Variants in CNTN4 observed in about 807,000 individuals in gnomAD.
The protein encoded by CNTN4 is contactin 4, also known as contactin-4.
CNTN4 carries 77 observed loss-of-function variants against 122.5 expected under a neutral mutation model. That is an observed-to-expected ratio of 0.63 (90% CI 0.52 to 0.76). The LOEUF (loss-of-function observed/expected upper bound fraction) is 0.76. Among genes scored for constraint, CNTN4 ranks in the 30% least tolerant of loss-of-function variants. The pLI is 0.00. For synonymous variants in CNTN4, 512 were observed against 447.0 expected, an observed-to-expected ratio of 1.15 and a Z score of -1.83; for missense variants, 1,256 against 1,259.1, an observed-to-expected ratio of 1.00 and a Z score of 0.04.
rs182951388 is a variant in CNTN4 at position 2,616,725 on chromosome 3, C to T, written c.55+45167C>T. 1.2e-3 allele frequency among the ~76,000 whole-genome samples: 181 copies of T among 152,166 alleles called. 1 individual carries two copies. The highest frequency in any genetic ancestry group is 2.1e-3 in the Non-Finnish European group (146 of 67,988). ...AGAACAAAGCTGGAGGCATCGTGCT[C>T]CCTGACTTCGAACTATACTACAAAG... On this transcript the variant is annotated intron_variant, in intron 4 of 24. Transcript: ENST00000418658.
intron 3 of CNTN4, among the ~76,000 whole-genome samples, chr3:2,396,657 T>G (rs13069405): frequency 0.33 from 34,723 of 105,902 alleles, 4,862 homozygotes; most frequent in Admixed American, 0.47. Flanking sequence ...TATGTCTGGG[T>G]TTTTTTTTTT....
intron 2 of CNTN4, among the ~76,000 whole-genome samples, chr3:2,293,591 C>G (rs1038508327): frequency 1.3e-5 from 2 of 152,096 alleles, no homozygotes; most frequent in Admixed American, 6.5e-5. Flanking sequence ...CTAAATGAGT[C>G]AATAGGTTTC....
rs149943757 is a variant in CNTN4 at position 2,790,736 on chromosome 3, G to A, written c.359-28750G>A. Among the ~76,000 whole-genome samples the A allele has an allele frequency of 6.5e-3, 986 of 152,292 alleles. 10 individuals carry two copies. The highest frequency in any genetic ancestry group is 0.02 in the Middle Eastern group (6 of 294). On this transcript the variant is annotated intron_variant, in intron 6 of 24. Transcript: ENST00000418658. Reference sequence around the variant, plus strand: ...ATCCACCTTCTGTAAAAGCAGTTCAGAGGATGACCAATGAGCTATCTTTTT... The same window carrying A: ...ATCCACCTTCTGTAAAAGCAGTTCAAAGGATGACCAATGAGCTATCTTTTT...
chr3:3,000,724 T>TC (rs1207028509), intron 14 of CNTN4, among the ~76,000 whole-genome samples: 1 of 152,138 alleles, frequency 6.6e-6, no homozygotes, highest in Non-Finnish European at 1.5e-5. Flanking sequence ...GACTCATATA[T>TC]CCCACCCAAC....
intron 4 of CNTN4, among the ~76,000 whole-genome samples, chr3:2,723,001 T>A (rs1000586823): frequency 2.6e-5 from 4 of 152,148 alleles, no homozygotes; most frequent in African/African-American, 9.7e-5. Flanking sequence ...GGAAATGGAC[T>A]TTCACTTGTT....
At chr3:2,253,311 A>G (rs962244816) in intron 2 of CNTN4, among the ~76,000 whole-genome samples, 2 of 152,166 alleles carry the variant, frequency 1.3e-5, no homozygotes, top group African/African-American at 2.4e-5. Context: ...ACTTTATGTC[A>G]CATAAAAGTA....
At chr3:2,555,890 G>A (rs2078701376) in intron 3 of CNTN4, among the ~76,000 whole-genome samples, 1 of 152,150 alleles carries the variant, frequency 6.6e-6, no homozygotes, top group Admixed American at 6.6e-5. Context: ...GCTCAGAAGT[G>A]AGAATTTCTG....
intron 3 of CNTN4, among the ~76,000 whole-genome samples, chr3:2,341,120 C>G (rs2044195782): frequency 6.6e-6 from 1 of 152,158 alleles, no homozygotes; most frequent in Non-Finnish European, 1.5e-5. Context: ...TTACTCTGTT[C>G]CTTCTCCTTG....
At chr3:2,350,995 A>G (rs2044590028) in intron 3 of CNTN4, among the ~76,000 whole-genome samples, 1 of 152,188 alleles carries the variant, frequency 6.6e-6, no homozygotes, top group African/African-American at 2.4e-5. Flanking sequence ...GGCCCAAAAT[A>G]TATACCTTAA....
chr3:3,038,958 CAGT>C lies in CNTN4; in HGVS notation c.2119_2121del (p.Ser707del). On this transcript the variant is annotated inframe_deletion, in exon 19 of 25. Coordinates refer to ENST00000418658, the MANE Select transcript of CNTN4 (RefSeq NM_175607.3). ...TCCCCGAAGTCACACCAGCGAATGTCAGTGGTGGCGGAGGCAGCAAATCTGAAC... is the reference window on the plus strand; with the variant it reads ...TCCCCGAAGTCACACCAGCGAATGTCGGTGGCGGAGGCAGCAAATCTGAAC... The C allele has an allele frequency of 6.2e-7, 1 of 1,614,108 alleles. No homozygotes were observed. The highest frequency in any genetic ancestry group is 8.5e-7 in the Non-Finnish European group (1 of 1,179,988).
chr3:2,148,467 A>C (rs1408617161), intron 2 of CNTN4, among the ~76,000 whole-genome samples: 1 of 151,878 alleles, frequency 6.6e-6, no homozygotes, highest in Admixed American at 6.6e-5. Context: ...CAGAAGACAC[A>C]GGTTGCAGTG....
At chr3:2,948,425 A>T (rs1301023582) in intron 13 of CNTN4, among the ~76,000 whole-genome samples, 1 of 152,154 alleles carries the variant, frequency 6.6e-6, no homozygotes, top group East Asian at 1.9e-4. Context: ...GGGTGTTGTG[A>T]CTGAGAGGCA....
chr3:2,361,227 C>T (rs1279680107), intron 3 of CNTN4, among the ~76,000 whole-genome samples: 1 of 151,918 alleles, frequency 6.6e-6, no homozygotes, highest in Non-Finnish European at 1.5e-5. Context: ...GTATTAACCT[C>T]ACCCACCTTG....
intron 3 of CNTN4, among the ~76,000 whole-genome samples, chr3:2,345,791 C>T (rs186983440): frequency 1.3e-5 from 2 of 152,240 alleles, no homozygotes; most frequent in East Asian, 3.9e-4. Context: ...TATTGTGTGA[C>T]CCTCTGATAG....
In CNTN4 at chr3:2,564,899, G is replaced by C. The variant is rs374432222; in HGVS notation, c.-88-6517G>C. Among the ~76,000 whole-genome samples, 96 of 152,242 alleles carry C rather than the reference G, an allele frequency of 6.3e-4. 1 individual carries two copies. In the East Asian group the frequency reaches 0.014, roughly 22 times the overall value. On this transcript the variant is annotated intron_variant, in intron 3 of 24. Transcript: ENST00000418658. Reference sequence around the variant, plus strand: ...AACTGTGGACTCTCGGGCTATGGAAGACATCCTTCAGTAAGTGAAATGATG... The same window carrying C: ...AACTGTGGACTCTCGGGCTATGGAACACATCCTTCAGTAAGTGAAATGATG...
In CNTN4 at chr3:2,634,461, A is replaced by C. The variant is rs9873919; in HGVS notation, c.55+62903A>C. Among the ~76,000 whole-genome samples, 1,449 of 152,216 alleles carry C rather than the reference A, an allele frequency of 9.5e-3. 25 individuals carry two copies. Among genetic ancestry groups the C allele is most frequent in the African/African-American group, 0.033 (1,381 of 41,534 alleles). On this transcript the variant is annotated intron_variant, in intron 4 of 24. Transcript: ENST00000418658. ...ACTGAAGAAGGATATTACTTTTTGA[A>C]AAATTTGAAAAAATGCTTTCAGAAC...
At chr3:2,741,640 G>A (rs751000259) in intron 5 of CNTN4, among the ~76,000 whole-genome samples, 1 of 152,194 alleles carries the variant, frequency 6.6e-6, no homozygotes, top group Admixed American at 6.5e-5. Context: ...GTGTAGTAAA[G>A]AATGCAGGAA....
intron 4 of CNTN4, among the ~76,000 whole-genome samples, chr3:2,641,976 C>T (rs1036884335): frequency 2.6e-5 from 4 of 152,254 alleles, no homozygotes; most frequent in Non-Finnish European, 4.4e-5. Flanking sequence ...AGACATCCTC[C>T]GTATTAGTCA....
chr3:2,266,675 TG>T (rs1328007571), intron 2 of CNTN4, among the ~76,000 whole-genome samples: 12 of 152,076 alleles, frequency 7.9e-5, no homozygotes, highest in Admixed American at 7.9e-4. Flanking sequence ...GAATTTATAA[TG>T]TCTTCTATGC....
Sources: allele counts gnomAD v4.1 joint callset (sites outside exome capture counted in the v4.1 genomes callset), GRCh38; gene constraint gnomAD v4.1.1; transcripts MANE v1.5; gene names NCBI Gene and HGNC (gene_info 2026-07-23, HGNC 2026-07-21).